Variants in FSTL5 observed in about 807,000 individuals in gnomAD.
FSTL5 encodes follistatin-related protein 5.
FSTL5 carries 62 observed loss-of-function variants against 89.1 expected under a neutral mutation model. That is an observed-to-expected ratio of 0.70 (90% CI 0.57 to 0.86). The LOEUF (loss-of-function observed/expected upper bound fraction) is 0.86. Among genes scored for constraint, FSTL5 ranks in the 40% least tolerant of loss-of-function variants. FSTL5 has a pLI of 0.00. For missense variants in FSTL5, 1,057 were observed against 1,001.6 expected (o/e 1.06, Z -0.75); for synonymous variants, 383 against 346.2 (o/e 1.11, Z -1.18).
chr4:161,503,487 T>A (rs551747244), intron 11 of FSTL5, among the ~76,000 whole-genome samples: 6 of 151,994 alleles, frequency 3.9e-5, no homozygotes, highest in Admixed American at 6.6e-5. Flanking sequence ...CATATATGCA[T>A]GTGTGATACA....
chr4:161,754,191 TAC>T (rs1478381528), intron 6 of FSTL5, among the ~76,000 whole-genome samples: 1 of 152,070 alleles, frequency 6.6e-6, no homozygotes, highest in Non-Finnish European at 1.5e-5. Context: ...ATAGAGCTAT[TAC>T]ACAATTAGTG....
chr4:161,466,321 T>A (rs1733746396), intron 13 of FSTL5, among the ~76,000 whole-genome samples: 1 of 152,182 alleles, frequency 6.6e-6, no homozygotes, highest in African/African-American at 2.4e-5. Context: ...AAACACATGA[T>A]ACCCTAGTCA....
intron 2 of FSTL5, among the ~76,000 whole-genome samples, chr4:162,101,024 C>T (rs1730976661): frequency 6.6e-6 from 1 of 152,120 alleles, no homozygotes; most frequent in Admixed American, 6.6e-5. Context: ...TTGAAAGGGG[C>T]CATGGTTTTA....
intron 8 of FSTL5, among the ~76,000 whole-genome samples, chr4:161,584,664 CA>C (rs1409768320): frequency 6.6e-6 from 1 of 152,090 alleles, no homozygotes; most frequent in Non-Finnish European, 1.5e-5. Flanking sequence ...TGACTATAAT[CA>C]TAGTTTTATT....
intron 3 of FSTL5, among the ~76,000 whole-genome samples, chr4:161,952,509 G>A (rs896712762): frequency 6.6e-6 from 1 of 152,008 alleles, no homozygotes; most frequent in Middle Eastern, 3.4e-3. Flanking sequence ...GAAATTTCTA[G>A]TTAAGCTTTA....
chr4:162,059,600 C>A (rs991322630), intron 2 of FSTL5, among the ~76,000 whole-genome samples: 1 of 152,042 alleles, frequency 6.6e-6, no homozygotes, highest in African/African-American at 2.4e-5. Context: ...TTTCAGAACA[C>A]GGTAATATCA....
At chr4:161,767,905 G>A (rs965226) in intron 5 of FSTL5, among the ~76,000 whole-genome samples, 150,027 of 152,120 alleles carry the variant, frequency 0.99, 74,009 homozygotes, top group South Asian at 1. Context: ...ACACACCAAC[G>A]AAAAAAAATC....
intron 7 of FSTL5, among the ~76,000 whole-genome samples, chr4:161,614,332 C>A (rs775611508): frequency 1.3e-5 from 2 of 152,140 alleles, no homozygotes; most frequent in Non-Finnish European, 2.9e-5. Context: ...ATAAATTGAG[C>A]TCCTTGAATC....
chr4:162,147,192 T>G (rs1230093812), intron 1 of FSTL5, among the ~76,000 whole-genome samples: 1 of 152,160 alleles, frequency 6.6e-6, no homozygotes, highest in African/African-American at 2.4e-5. Flanking sequence ...CTTATTTCTA[T>G]TTCCTTCAAA....
chr4:161,877,066 C>T (rs1218437103), intron 4 of FSTL5, among the ~76,000 whole-genome samples: 1 of 151,402 alleles, frequency 6.6e-6, no homozygotes, highest in African/African-American at 2.4e-5. Context: ...TGCCTGTAAT[C>T]CCAGCTACTC....
At chr4:162,015,992 G>C (rs1187816521) in intron 3 of FSTL5, among the ~76,000 whole-genome samples, 1 of 152,136 alleles carries the variant, frequency 6.6e-6, no homozygotes, top group Non-Finnish European at 1.5e-5. Flanking sequence ...CACTCTCTGA[G>C]AAAGGAGGGA....
intron 15 of FSTL5, among the ~76,000 whole-genome samples, chr4:161,431,303 A>AGGAAAG (rs896544632): frequency 4.3e-4 from 66 of 152,302 alleles, no homozygotes; most frequent in African/African-American, 1.5e-3. Flanking sequence ...TTTTTAAAAA[A>AGGAAAG]GGAAAGCAAA....
At chr4:161,551,167 C>T (rs1732199075) in intron 8 of FSTL5, among the ~76,000 whole-genome samples, 1 of 150,760 alleles carries the variant, frequency 6.6e-6, no homozygotes, top group African/African-American at 2.4e-5. Flanking sequence ...ACACTGACTT[C>T]CACAATGGTT....
chr4:161,529,458 T>A (rs1043132607), intron 10 of FSTL5, among the ~76,000 whole-genome samples: 1 of 142,414 alleles, frequency 7.0e-6, no homozygotes, highest in Non-Finnish European at 1.5e-5. Context: ...TAAATGCTTA[T>A]CAAGCATGGT....
chr4:161,903,953 A>G lies in FSTL5; in HGVS notation c.409+16451T>C, dbSNP rs1257110669. Among the ~76,000 whole-genome samples, 3 of 152,102 alleles carry G rather than the reference A, an allele frequency of 2.0e-5. No individual in the cohort carries two copies. The East Asian group carries it at 5.8e-4, about 29-fold the overall frequency. Reference sequence around the variant, plus strand: ...AATGAAACCTAAACTTATAAAAGTGACATAAACTACACTACTAGAAAAACT... The same window carrying G: ...AATGAAACCTAAACTTATAAAAGTGGCATAAACTACACTACTAGAAAAACT... On this transcript the variant is annotated intron_variant, in intron 4 of 15. Transcript: ENST00000306100.
At chr4:162,162,208 T>TA (rs983610658) in intron 1 of FSTL5, among the ~76,000 whole-genome samples, 2 of 152,140 alleles carry the variant, frequency 1.3e-5, no homozygotes, top group Admixed American at 1.3e-4. Flanking sequence ...GTTTAAATCA[T>TA]AAAATTCTAA....
At chr4:162,095,881 C>T (rs965484107) in intron 2 of FSTL5, among the ~76,000 whole-genome samples, 1 of 151,874 alleles carries the variant, frequency 6.6e-6, no homozygotes, top group Non-Finnish European at 1.5e-5. Flanking sequence ...GTACGATGAT[C>T]AAGCATTTTA....
chr4:161,691,719 T>C (rs1297976156), intron 6 of FSTL5, among the ~76,000 whole-genome samples: 1 of 152,158 alleles, frequency 6.6e-6, no homozygotes, highest in Non-Finnish European at 1.5e-5. Context: ...GTTCTAAGCA[T>C]ACAAGTCTTT....
chr4:161,812,731 C>T (rs948115813), intron 4 of FSTL5, among the ~76,000 whole-genome samples: 1 of 151,872 alleles, frequency 6.6e-6, no homozygotes, highest in African/African-American at 2.4e-5. Context: ...CCATCCTAGT[C>T]TACATTTTCA....
Sources: allele counts gnomAD v4.1 joint callset (sites outside exome capture counted in the v4.1 genomes callset), GRCh38; gene constraint gnomAD v4.1.1; transcripts MANE v1.5; gene names NCBI Gene and HGNC (gene_info 2026-07-23, HGNC 2026-07-21).